ERBB4: variants seen among roughly 807,000 people sequenced by gnomAD.
ERBB4 encodes erb-b2 receptor tyrosine kinase 4, also known as receptor tyrosine-protein kinase erbB-4.
Under a neutral mutation model 158.0 loss-of-function variants are expected in ERBB4, and 42 were observed. That is an observed-to-expected ratio of 0.27 (90% CI 0.21 to 0.34). The LOEUF is 0.34. ERBB4 is among the 10% of genes least tolerant of loss of function. The pLI, the probability that ERBB4 is intolerant of heterozygous loss-of-function variation, is 1.00. For missense variants in ERBB4, 1,333 were observed against 1,624.1 expected, an observed-to-expected ratio of 0.82 and a Z score of 3.08; for synonymous variants, 583 against 558.7, an observed-to-expected ratio of 1.04 and a Z score of -0.61.
chr2:212,479,457 A>T (rs1324039066), intron 1 of ERBB4, among the ~76,000 whole-genome samples: 3 of 152,184 alleles, frequency 2.0e-5, no homozygotes, highest in Non-Finnish European at 2.9e-5. Context: ...ATTTAAGAAA[A>T]GCAACTTTTT....
intron 3 of ERBB4, among the ~76,000 whole-genome samples, chr2:211,801,963 T>C (rs1361709162): frequency 1.3e-5 from 2 of 152,120 alleles, no homozygotes; most frequent in South Asian, 4.1e-4. Context: ...CAGATTAGCA[T>C]AAAACTGGAA....
Position 212,538,776 on chromosome 2 carries a change from T to A in ERBB4, c.-246A>T. On this transcript the variant is annotated 5_prime_UTR_variant, in exon 1 of 28. Coordinates refer to ENST00000342788, the MANE Select transcript of ERBB4 (RefSeq NM_005235.3). The stretch of plus-strand genomic sequence containing the variant: ...CGCGTGTGGGAGTGTGCTCGGTGTG[T>A]GCGCTTGGCGCTCTGGGCCGGACTG... 1 of 374,852 alleles carries A rather than the reference T, an allele frequency of 2.7e-6. No individual in the cohort carries two copies. Among genetic ancestry groups the A allele is most frequent in the Non-Finnish European group, 4.7e-6 (1 of 214,944 alleles). The allele number at this position is 374,852 out of a possible 1,614,324, so 23.2% of individuals were successfully genotyped here.
intron 1 of ERBB4, among the ~76,000 whole-genome samples, chr2:212,397,736 T>A (rs1332135823): frequency 6.6e-6 from 1 of 152,154 alleles, no homozygotes; most frequent in African/African-American, 2.4e-5. Flanking sequence ...TTTTCAATTG[T>A]TTGTTGTTTT....
intron 1 of ERBB4, among the ~76,000 whole-genome samples, chr2:212,512,013 A>C (rs1235626282): frequency 1.3e-5 from 2 of 152,154 alleles, no homozygotes; most frequent in Non-Finnish European, 2.9e-5. Context: ...GAAGCCTGCC[A>C]GATTTCCCCT....
At chr2:211,712,778 TGG>T (rs5838278) in intron 8 of ERBB4, among the ~76,000 whole-genome samples, 5 of 151,044 alleles carry the variant, frequency 3.3e-5, no homozygotes, top group Non-Finnish European at 5.9e-5. Flanking sequence ...TGTGTGTGGG[TGG>T]GGGGGGATGT....
intron 4 of ERBB4, among the ~76,000 whole-genome samples, chr2:211,753,172 T>C (rs1575096890): frequency 6.6e-6 from 1 of 152,134 alleles, no homozygotes; most frequent in East Asian, 1.9e-4. Flanking sequence ...GAGATATTTA[T>C]GAATCAATGC....
At chr2:212,173,119 A>T (rs907278110) in intron 1 of ERBB4, among the ~76,000 whole-genome samples, 1 of 152,144 alleles carries the variant, frequency 6.6e-6, no homozygotes, top group Non-Finnish European at 1.5e-5. Flanking sequence ...TTCTTAAAAA[A>T]CTTAATTGAT....
At chr2:211,586,930 T>C (rs2068298895) in intron 19 of ERBB4, among the ~76,000 whole-genome samples, 1 of 152,126 alleles carries the variant, frequency 6.6e-6, no homozygotes, top group South Asian at 2.1e-4. Context: ...TATATTGAAG[T>C]CCTAACATCC....
At chr2:211,845,411 T>C (rs2077565109) in intron 3 of ERBB4, among the ~76,000 whole-genome samples, 1 of 152,174 alleles carries the variant, frequency 6.6e-6, no homozygotes, top group Non-Finnish European at 1.5e-5. Flanking sequence ...TATAGAGGAC[T>C]GGCTGAGTAT....
chr2:211,603,130 C>G (rs1015313192), intron 19 of ERBB4, among the ~76,000 whole-genome samples: 8 of 152,126 alleles, frequency 5.3e-5, no homozygotes, highest in African/African-American at 1.9e-4. Flanking sequence ...ACTCGGGAGG[C>G]TGAGGCAGGA....
intron 2 of ERBB4, among the ~76,000 whole-genome samples, chr2:211,985,977 G>T (rs1257722563): frequency 6.6e-6 from 1 of 152,160 alleles, no homozygotes; most frequent in African/African-American, 2.4e-5. Flanking sequence ...GATCTAATTT[G>T]TTAAGATCAG....
At chr2:212,476,361 A>T (rs1689403046) in intron 1 of ERBB4, among the ~76,000 whole-genome samples, 1 of 152,124 alleles carries the variant, frequency 6.6e-6, no homozygotes, top group Admixed American at 6.6e-5. Flanking sequence ...GTCAAAAAAC[A>T]TTTTGTCAAA....
intron 12 of ERBB4, among the ~76,000 whole-genome samples, chr2:211,693,938 T>C (rs1388905822): frequency 2.0e-5 from 3 of 152,256 alleles, no homozygotes; most frequent in Admixed American, 1.3e-4. Flanking sequence ...AATAGTCGCT[T>C]CTGCTGTCAC....
At chr2:212,402,881 T>C (rs901211511) in intron 1 of ERBB4, among the ~76,000 whole-genome samples, 4 of 152,112 alleles carry the variant, frequency 2.6e-5, no homozygotes, top group Non-Finnish European at 4.4e-5. Flanking sequence ...TTTTTCTTCA[T>C]GATATATTTT....
intron 1 of ERBB4, among the ~76,000 whole-genome samples, chr2:212,506,128 G>A (rs967299822): frequency 6.7e-6 from 1 of 148,516 alleles, no homozygotes; most frequent in Non-Finnish European, 1.5e-5. Context: ...ATGGTGATCT[G>A]TAATCAGTGA....
intron 1 of ERBB4, among the ~76,000 whole-genome samples, chr2:212,295,888 A>C (rs2086392897): frequency 1.3e-5 from 2 of 152,082 alleles, no homozygotes; most frequent in South Asian, 4.1e-4. Flanking sequence ...AGAGAACATA[A>C]AACTTAAATT....
At chr2:211,596,751 C>A (rs2125804373) in intron 19 of ERBB4, among the ~76,000 whole-genome samples, 1 of 151,774 alleles carries the variant, frequency 6.6e-6, no homozygotes, top group African/African-American at 2.4e-5. Context: ...AATGATGTAG[C>A]TTTTTACCCA....
chr2:212,233,894 G>C (rs1475924985), intron 1 of ERBB4, among the ~76,000 whole-genome samples: 2 of 151,500 alleles, frequency 1.3e-5, no homozygotes, highest in Non-Finnish European at 1.5e-5. Context: ...GTGATTAAAA[G>C]TTATCCAGAG....
chr2:211,791,246 G>A (rs1341347072), intron 3 of ERBB4, among the ~76,000 whole-genome samples: 1 of 151,910 alleles, frequency 6.6e-6, no homozygotes, highest in East Asian at 1.9e-4. Flanking sequence ...TAGGAAAAGA[G>A]AAAAGTTTGT....
Sources: gnomAD v4.1 joint callset for allele counts (sites outside exome capture counted in the v4.1 genomes callset) on GRCh38, gnomAD v4.1.1 for gene constraint, MANE v1.5 for transcripts, NCBI Gene and HGNC (gene_info 2026-07-23, HGNC 2026-07-21) for gene names.